The following LRRC72 variants were observed in gnomAD, a reference collection of about 807,000 sequenced individuals.
The protein encoded by LRRC72 is leucine rich repeat containing 72.
In LRRC72, 41 loss-of-function variants were observed where a neutral mutation model predicts 35.8. The ratio of observed to expected loss-of-function variants is 1.15; its 90% confidence interval spans 0.89 to 1.49. The LOEUF (loss-of-function observed/expected upper bound fraction) is 1.49. Among genes scored for constraint, LRRC72 ranks in the 40% most tolerant of loss-of-function variants. LRRC72 has a pLI of 0.00. For synonymous variants in LRRC72, 118 were observed against 119.2 expected, an observed-to-expected ratio of 0.99 and a Z score of 0.07; for missense variants, 389 against 330.7, an observed-to-expected ratio of 1.18 and a Z score of -1.37.
chr7:16,562,577 A>G (rs1291404804), intron 5 of LRRC72, among the ~76,000 whole-genome samples: 2 of 152,156 alleles, frequency 1.3e-5, no homozygotes, highest in Non-Finnish European at 2.9e-5. Context: ...TCCTTTCGAG[A>G]GAGGGTCTCC....
intron 3 of LRRC72, among the ~76,000 whole-genome samples, chr7:16,556,723 G>T (rs1184968957): frequency 6.6e-6 from 1 of 152,190 alleles, no homozygotes; most frequent in African/African-American, 2.4e-5. Flanking sequence ...GAAACAAAAA[G>T]TGGGTCAATA....
At chr7:16,575,071 C>T (rs1377722569) in intron 7 of LRRC72, among the ~76,000 whole-genome samples, 1 of 143,334 alleles carries the variant, frequency 7.0e-6, no homozygotes, top group Non-Finnish European at 1.5e-5. Context: ...GGTGAGATCG[C>T]ATCACTGCAC....
chr7:16,575,822 A>G (rs1479633866), intron 7 of LRRC72, among the ~76,000 whole-genome samples: 1 of 152,188 alleles, frequency 6.6e-6, no homozygotes, highest in African/African-American at 2.4e-5. Flanking sequence ...AAAACAGCGA[A>G]TGCACACAAT....
In LRRC72 at chr7:16,558,994, T is replaced by A; in HGVS notation, c.422T>A (p.Ile141Asn). 3.3e-6 allele frequency: 5 copies of A among 1,529,206 alleles called. No individual in the cohort carries two copies. The South Asian group carries it at 3.7e-5, about 11-fold the overall frequency. The allele number at this position is 1,529,206 out of a possible 1,614,324, so 94.7% of individuals were successfully genotyped here. A position where few individuals can be genotyped will look rare whatever the true frequency, so the allele number is the denominator to read the frequency against. The stretch of plus-strand genomic sequence containing the variant: ...TTAAAGGGAATGCTAAATCTGAAGA[T>A]CCTAAGTAACAATTTGCAATTTTAT... ...KELKGMLNLK[I>N]LSLYQNPLCQ... Residue 141 changes from isoleucine to asparagine, a missense_variant, in exon 5 of 9, where the codon ATC (isoleucine) becomes AAC (asparagine). Coordinates refer to ENST00000401542, the MANE Select transcript of LRRC72 (RefSeq NM_001195280.2).
At position 16,565,698 on chromosome 7, in the gene LRRC72, C is replaced by G. The variant is rs538298562; in HGVS notation, c.428-615C>G. On this transcript the variant is annotated intron_variant, in intron 5 of 8. Coordinates refer to ENST00000401542, the MANE Select transcript of LRRC72 (RefSeq NM_001195280.2). ...TAGGAAGTGCGGTTTATCACACATC[C>G]TAGCACCTGCACACCAGGATCTCAG... 8.5e-5 allele frequency among the ~76,000 whole-genome samples: 13 copies of G among 152,236 alleles called. No homozygotes were observed. The East Asian group carries it at 2.3e-3, about 27-fold the overall frequency.
intron 1 of LRRC72, among the ~76,000 whole-genome samples, chr7:16,528,911 T>C (rs1782117971): frequency 6.6e-6 from 1 of 152,164 alleles, no homozygotes. Flanking sequence ...ATATTGGATA[T>C]TGTGTAAAAG....
intron 7 of LRRC72, among the ~76,000 whole-genome samples, chr7:16,569,437 A>G (rs897656376): frequency 6.6e-6 from 1 of 152,098 alleles, no homozygotes; most frequent in African/African-American, 2.4e-5. Context: ...AAACAAGGAC[A>G]GGTCTCCTCA....
chr7:16,538,720 T>A (rs12155233), intron 3 of LRRC72, among the ~76,000 whole-genome samples: 11,298 of 152,292 alleles, frequency 0.074, 472 homozygotes, highest in Admixed American at 0.11. Context: ...ATCATGGGGA[T>A]GGTTCCCTCC....
chr7:16,530,141 A>G (rs1782137494), intron 1 of LRRC72: 1 of 152,216 alleles, frequency 6.6e-6, no homozygotes, highest in Non-Finnish European at 1.5e-5. Context: ...AATAGGATAT[A>G]TAGAGATATA....
At chr7:16,527,397 T>G (rs1402088077) in intron 1 of LRRC72, among the ~76,000 whole-genome samples, 1 of 152,000 alleles carries the variant, frequency 6.6e-6, no homozygotes, top group Admixed American at 6.6e-5. Context: ...TTATAGTGGT[T>G]TGCAGATTAA....
intron 3 of LRRC72, among the ~76,000 whole-genome samples, chr7:16,543,984 T>A (rs1430924754): frequency 6.6e-6 from 1 of 152,184 alleles, no homozygotes; most frequent in African/African-American, 2.4e-5. Context: ...GCCAAAAGCA[T>A]CCTATTTGGA....
chr7:16,557,135 G>A (rs1298569156), intron 3 of LRRC72, among the ~76,000 whole-genome samples: 1 of 152,100 alleles, frequency 6.6e-6, no homozygotes, highest in Non-Finnish European at 1.5e-5. Flanking sequence ...GGTAAGAGAG[G>A]TTTAAGTTAG....
rs76523734 is a variant in LRRC72 at position 16,554,703 on chromosome 7, C to T, written c.235-2657C>T. Among the ~76,000 whole-genome samples, 625 of 152,290 alleles carry T rather than the reference C, an allele frequency of 4.1e-3. 6 individuals are homozygous for T. The highest frequency in any genetic ancestry group is 0.014 in the African/African-American group (600 of 41,546). On this transcript the variant is annotated intron_variant, in intron 3 of 8. Coordinates refer to ENST00000401542, the MANE Select transcript of LRRC72 (RefSeq NM_001195280.2). ...TTTGGCTTTGACTCCACTCCATCTC[C>T]CTTCACTCCCCCTTACCTTCACAAA...
intron 6 of LRRC72, 27 bp downstream of exon 6, chr7:16,566,429 AATATTTG>A: frequency 6.9e-7 from 1 of 1,457,940 alleles, no homozygotes; most frequent in Non-Finnish European, 9.3e-7. Context: ...CTTGCAAAGA[AATATTTG>A]AGAAGTAGTC....
At chr7:16,553,044 C>T (rs1356547930) in intron 3 of LRRC72, among the ~76,000 whole-genome samples, 4 of 152,142 alleles carry the variant, frequency 2.6e-5, no homozygotes, top group Non-Finnish European at 5.9e-5. Context: ...TTTATTTTTA[C>T]AATTTGAAAG....
rs1030363367 is a variant in LRRC72, at chr7:16,527,004, C to G, written c.52C>G (p.Arg18Gly). 1 of 1,539,780 alleles carries G rather than the reference C, an allele frequency of 6.5e-7. No individual in the cohort carries two copies. Among genetic ancestry groups the G allele is most frequent in the Non-Finnish European group, 8.7e-7 (1 of 1,146,932 alleles). ...VPRTLRCWRLRRASETALQSS... is the reference protein window; with the variant it reads ...VPRTLRCWRLGRASETALQSS... ...CCGTACCTTGCGATGCTGGCGCCTA[C>G]GGAGGGCATCCGAAACTGCCCTACA... Residue 18 changes from arginine (R) to glycine (G), a missense_variant, in exon 1 of 9, where the codon CGG becomes GGG. Physicochemically the swap from Arg to Gly is moderately radical, Grantham distance 125. Transcript: ENST00000401542.
intron 3 of LRRC72, among the ~76,000 whole-genome samples, chr7:16,554,691 C>T (rs113052922): frequency 4.6e-5 from 7 of 152,150 alleles, no homozygotes; most frequent in Admixed American, 3.3e-4. Flanking sequence ...GGCTTTGACT[C>T]CACTCCATCT....
chr7:16,569,729 C>A (rs369711007), intron 7 of LRRC72, among the ~76,000 whole-genome samples: 10 of 136,882 alleles, frequency 7.3e-5, no homozygotes, highest in African/African-American at 2.7e-4. Context: ...GGGAAGGAAG[C>A]TTTTTATTTG....
intron 3 of LRRC72, among the ~76,000 whole-genome samples, chr7:16,538,982 C>CACTATCCAAGCTGATTTA (rs1291663831): frequency 6.6e-6 from 1 of 152,168 alleles, no homozygotes; most frequent in African/African-American, 2.4e-5. Context: ...TGGACGAATA[C>CACTATCCAAGCTGATTTA]AGAGAATTGG....
Sources: allele counts gnomAD v4.1 joint callset (sites outside exome capture counted in the v4.1 genomes callset), GRCh38; gene constraint gnomAD v4.1.1; transcripts MANE v1.5; gene names NCBI Gene and HGNC (gene_info 2026-07-23, HGNC 2026-07-21).